The following C4orf51 variants were observed in gnomAD, a reference collection of about 807,000 sequenced individuals.
C4orf51 encodes chromosome 4 open reading frame 51.
In C4orf51, 25 loss-of-function variants were observed where a neutral mutation model predicts 25.2. That is an observed-to-expected ratio of 0.99 (90% CI 0.72 to 1.39). C4orf51 has a LOEUF of 1.39. C4orf51 is among the 40% of genes most tolerant of loss of function. C4orf51 has a pLI of 0.00. For synonymous variants in C4orf51, 100 were observed against 84.5 expected (o/e 1.18, Z -1.01); for missense variants, 252 against 239.6 (o/e 1.05, Z -0.34).
downstream of C4orf51, among the ~76,000 whole-genome samples, chr4:145,773,980 C>G (rs1193107118): frequency 6.6e-6 from 1 of 152,126 alleles, no homozygotes; most frequent in African/African-American, 2.4e-5. Context: ...GAAAACTGTT[C>G]TGGGCTGAGT....
intron 2 of C4orf51, among the ~76,000 whole-genome samples, chr4:145,722,872 A>G (rs949299768): frequency 1.3e-5 from 2 of 152,188 alleles, no homozygotes; most frequent in African/African-American, 4.8e-5. Context: ...CTGAGCATGC[A>G]AAGGATCTGG....
intron 1 of C4orf51, among the ~76,000 whole-genome samples, chr4:145,684,822 T>C (rs895518752): frequency 6.6e-6 from 1 of 152,104 alleles, no homozygotes; most frequent in Admixed American, 6.5e-5. Context: ...AGAGGAAGGC[T>C]GGCTTTAAAT....
the C4orf51 span, among the ~76,000 whole-genome samples, chr4:145,779,686 T>C: frequency 6.6e-6 from 1 of 152,236 alleles, no homozygotes; most frequent in Non-Finnish European, 1.5e-5. Context: ...AGGCCGTTCT[T>C]GAAAGCTGCG....
chr4:145,705,502 G>C (rs138430760), intron 2 of C4orf51, among the ~76,000 whole-genome samples: 2,401 of 152,294 alleles, frequency 0.016, 33 homozygotes, highest in Middle Eastern at 0.027. Context: ...ATTCTTTGGG[G>C]AAAATGGATG....
intron 2 of C4orf51, among the ~76,000 whole-genome samples, chr4:145,698,205 CA>C (rs1415319787): frequency 6.6e-6 from 1 of 152,056 alleles, no homozygotes; most frequent in Non-Finnish European, 1.5e-5. Flanking sequence ...GTTTGTACAC[CA>C]AAAGTATCTG....
At chr4:145,698,856 A>G (rs1212796521) in intron 2 of C4orf51, among the ~76,000 whole-genome samples, 1 of 152,190 alleles carries the variant, frequency 6.6e-6, no homozygotes, top group Non-Finnish European at 1.5e-5. Context: ...AAGCCATCGC[A>G]TCCCCTGTGA....
intron 1 of C4orf51, among the ~76,000 whole-genome samples, chr4:145,690,460 C>T (rs1056979080): frequency 1.3e-5 from 2 of 152,044 alleles, no homozygotes; most frequent in Admixed American, 6.6e-5. Context: ...AGCGAGATGG[C>T]GCCACTGCAC....
intron 1 of C4orf51, chr4:145,760,705 T>G: frequency 1.5e-5 from 15 of 1,008,340 alleles, no homozygotes; most frequent in Non-Finnish European, 1.8e-5. Context: ...GCTGGGGTTG[T>G]GTTTAAGTTT....
downstream of C4orf51, chr4:145,759,230 T>C (rs890567547): frequency 2.0e-5 from 3 of 152,228 alleles, no homozygotes; most frequent in Non-Finnish European, 4.4e-5. Context: ...ATACTGGAAA[T>C]TCTGTTGTTT....
At chr4:145,779,833 A>C in the C4orf51 span, among the ~76,000 whole-genome samples, 1 of 152,228 alleles carries the variant, frequency 6.6e-6, no homozygotes, top group African/African-American at 2.4e-5. Flanking sequence ...ATACTTGTTA[A>C]ATGAGTTGCC....
chr4:145,791,320 C>A, the C4orf51 span, among the ~76,000 whole-genome samples: 1 of 152,190 alleles, frequency 6.6e-6, no homozygotes, highest in Non-Finnish European at 1.5e-5. Flanking sequence ...TAATCCTAGT[C>A]ATGAGGGCTC....
chr4:145,717,683 A>G lies in C4orf51; in HGVS notation c.308-9228A>G, dbSNP rs775439075. On this transcript the variant is annotated intron_variant, in intron 2 of 5. Transcript: ENST00000438731. ...TTCTTAAGTGTGATTCATGATCATC[A>G]TAGGAGAAAGGTTCTCAAATTCCTT... 2.0e-4 allele frequency among the ~76,000 whole-genome samples: 31 copies of G among 152,338 alleles called. No individual in the cohort carries two copies. The Middle Eastern group carries it at 0.014, about 67-fold the overall frequency.
the C4orf51 span, among the ~76,000 whole-genome samples, chr4:145,788,112 C>T: frequency 6.6e-6 from 1 of 152,186 alleles, no homozygotes; most frequent in Non-Finnish European, 1.5e-5. Context: ...ATGCTAACTG[C>T]TTAGTAAACA....
chr4:145,686,066 T>C (rs1269291725), intron 1 of C4orf51, among the ~76,000 whole-genome samples: 3 of 152,192 alleles, frequency 2.0e-5, no homozygotes, highest in African/African-American at 7.2e-5. Flanking sequence ...ATACATACAA[T>C]GGAATATTAT....
chr4:145,708,113 G>A (rs529781279), intron 2 of C4orf51, among the ~76,000 whole-genome samples: 9 of 152,304 alleles, frequency 5.9e-5, no homozygotes, highest in African/African-American at 2.2e-4. Flanking sequence ...TGTCCTTAGG[G>A]CAACCTGGAG....
downstream of C4orf51, among the ~76,000 whole-genome samples, chr4:145,754,961 C>T (rs1309073135): frequency 6.6e-6 from 1 of 152,026 alleles, no homozygotes; most frequent in Non-Finnish European, 1.5e-5. Context: ...AAGAGAAAAA[C>T]TTTAGATCTC....
chr4:145,765,539 C>T lies in C4orf51; in HGVS notation n.167-5449C>T. On this transcript the variant is annotated intron_variant and non_coding_transcript_variant, in intron 1 of 1. Transcript: ENST00000510096. This position sits in a 1 kb window ranked among gnomAD's most constrained non-coding sequence, Gnocchi z 4.7. ...GGTTGAGCAGGCTCACACCCACCTC[C>T]TCCTTACCTTTCTCTGGCTTTTCCT... 1.2e-6 allele frequency: 2 copies of T among 1,608,114 alleles called. No individual in the cohort carries two copies. The highest frequency in any genetic ancestry group is 2.2e-5 in the South Asian group (2 of 89,816).
At chr4:145,712,665 C>G (rs928166646) in intron 2 of C4orf51, among the ~76,000 whole-genome samples, 1 of 152,210 alleles carries the variant, frequency 6.6e-6, no homozygotes, top group African/African-American at 2.4e-5. Flanking sequence ...GGTGAAGCAG[C>G]AAGTGCTGAG....
At chr4:145,786,881 C>T in the C4orf51 span, among the ~76,000 whole-genome samples, 2 of 152,198 alleles carry the variant, frequency 1.3e-5, no homozygotes, top group Non-Finnish European at 2.9e-5. Flanking sequence ...GAATTTCCAG[C>T]TCAGAGGATC....
Sources: allele counts gnomAD v4.1 joint callset (sites outside exome capture counted in the v4.1 genomes callset), GRCh38; gene constraint gnomAD v4.1.1; non-coding constraint Gnocchi (gnomAD v3.1); transcripts MANE v1.5; gene names NCBI Gene and HGNC (gene_info 2026-07-23, HGNC 2026-07-21).